The following PECAM1 variants were observed in gnomAD, a reference collection of about 807,000 sequenced individuals.
PECAM1 encodes platelet and endothelial cell adhesion molecule 1.
PECAM1 carries 8 observed loss-of-function variants against 13.8 expected under a neutral mutation model. That is an observed-to-expected ratio of 0.58 (90% CI 0.34 to 1.05). The LOEUF (loss-of-function observed/expected upper bound fraction) is 1.05. Among genes scored for constraint, PECAM1 ranks in the 50% least tolerant of loss-of-function variants. The pLI is 0.03. For missense variants in PECAM1, 304 were observed against 141.2 expected, an observed-to-expected ratio of 2.15 and a Z score of -5.84; for synonymous variants, 136 against 52.6, an observed-to-expected ratio of 2.58 and a Z score of -6.86.
At position 64,350,418 on chromosome 17, in the gene PECAM1, A is replaced by G. The variant is rs941112960; in HGVS notation, c.2006T>C (p.Val669Ala). The change falls in exon 12 of 16, where the codon GTC becomes GCC. Residue 669 changes from valine to alanine, a missense_variant. By Grantham distance (64) the Val-to-Ala change is moderately conservative (BLOSUM62 0). Transcript: ENST00000563924. ...ANSHYGHNDD[V>A]RNHAMKPIND... Reference sequence around the variant, plus strand: ...TATTGGTTTCATTGCATGGTTTCTGACATCGTCATTGTGACCTAGTTGAAA... The same window carrying G: ...TATTGGTTTCATTGCATGGTTTCTGGCATCGTCATTGTGACCTAGTTGAAA... 4.6e-5 allele frequency: 20 copies of G among 430,340 alleles called. No homozygotes were observed. Among genetic ancestry groups the G allele is most frequent in the Non-Finnish European group, 7.3e-5 (17 of 234,450 alleles). The allele number at this position is 430,340 out of a possible 1,614,324, so 26.7% of individuals were successfully genotyped here.
chr17:64,330,709 G>A (rs1555646542), intron 14 of PECAM1, among the ~76,000 whole-genome samples: 2 of 149,206 alleles, frequency 1.3e-5, no homozygotes, highest in African/African-American at 4.9e-5. Context: ...GGAAGTAGCA[G>A]ATAAAAATGA....
chr17:64,357,366 C>T (rs2035869524), intron 7 of PECAM1, among the ~76,000 whole-genome samples: 1 of 129,746 alleles, frequency 7.7e-6, no homozygotes, highest in Non-Finnish European at 1.8e-5. Flanking sequence ...TTCACCTGGG[C>T]ATTTCCACCT....
At chr17:64,348,075 A>ACAGGGC (rs1472224619) in intron 13 of PECAM1, among the ~76,000 whole-genome samples, 185 bp downstream of exon 13, 5 of 152,028 alleles carry the variant, frequency 3.3e-5, no homozygotes, top group Non-Finnish European at 5.9e-5. Flanking sequence ...CAGCTCAGAG[A>ACAGGGC]CAGGGCCAGG....
At chr17:64,354,277 G>A (rs1156368731) in intron 9 of PECAM1, among the ~76,000 whole-genome samples, 3 of 152,034 alleles carry the variant, frequency 2.0e-5, no homozygotes, top group African/African-American at 7.2e-5. Context: ...AAAAAGTAAA[G>A]GCGAAATCAA....
At chr17:64,359,558 C>T (rs1432529132) in intron 7 of PECAM1, among the ~76,000 whole-genome samples, 2 of 152,176 alleles carry the variant, frequency 1.3e-5, no homozygotes, top group African/African-American at 4.8e-5. Flanking sequence ...AGCCCATATG[C>T]ACAACTTCAG....
intron 2 of PECAM1, among the ~76,000 whole-genome samples, chr17:64,387,853 G>T (rs2036631364): frequency 6.6e-6 from 1 of 152,160 alleles, no homozygotes; most frequent in African/African-American, 2.4e-5. Flanking sequence ...AAGGGAAAGG[G>T]CCGAGGCTGT....
chr17:64,370,043 A>G lies in PECAM1; in HGVS notation c.692-18T>C, dbSNP rs2036205429. 1 of 398,642 alleles carries G rather than the reference A, an allele frequency of 2.5e-6. No individual in the cohort carries two copies. 24.7% of individuals were successfully genotyped at this position (398,642 alleles called of 1,614,324 possible). A position where few individuals can be genotyped will look rare whatever the true frequency, so the allele number is the denominator to read the frequency against. ...GAAGGATTCTGCAAGAGAGGAAGAC[A>G]ACCTGGTTGGACTCAGGTGCAAACC... On this transcript the variant is annotated intron_variant, in intron 4 of 15. Coordinates refer to ENST00000563924, the MANE Select transcript of PECAM1 (RefSeq NM_000442.5).
At chr17:64,329,505 T>G (rs1401471620) in intron 15 of PECAM1, among the ~76,000 whole-genome samples, 195 bp downstream of exon 15, 1 of 152,150 alleles carries the variant, frequency 6.6e-6, no homozygotes, top group Non-Finnish European at 1.5e-5. Flanking sequence ...TGAGATGTAA[T>G]GATGGAAATT....
chr17:64,359,145 G>T (rs1279289559), intron 7 of PECAM1, among the ~76,000 whole-genome samples: 1 of 152,130 alleles, frequency 6.6e-6, no homozygotes, highest in Non-Finnish European at 1.5e-5. Flanking sequence ...GACTATACAT[G>T]AATAGAAGCA....
intron 15 of PECAM1, among the ~76,000 whole-genome samples, chr17:64,328,937 T>TC (rs2035029438): frequency 6.6e-6 from 1 of 152,140 alleles, no homozygotes; most frequent in Non-Finnish European, 1.5e-5. Flanking sequence ...GATTCCTAAC[T>TC]CCATTTCCTA....
intron 13 of PECAM1, 82 bp from the exon 14 acceptor site, chr17:64,341,772 G>T: frequency 2.4e-6 from 1 of 410,366 alleles, no homozygotes; most frequent in Non-Finnish European, 4.4e-6. Context: ...AAGGTCTGAG[G>T]CTCTGCAGGC....
At chr17:64,383,639 C>T (rs2036530725) in intron 2 of PECAM1, among the ~76,000 whole-genome samples, 1 of 152,212 alleles carries the variant, frequency 6.6e-6, no homozygotes, top group Non-Finnish European at 1.5e-5. Flanking sequence ...CTCAGCACAA[C>T]CCTTGCGTGA....
chr17:64,337,163 C>T (rs2035301722), intron 14 of PECAM1, among the ~76,000 whole-genome samples: 2 of 151,712 alleles, frequency 1.3e-5, no homozygotes, highest in Non-Finnish European at 3.0e-5. Flanking sequence ...GCCCCGAGGG[C>T]TACAGCCTGT....
chr17:64,350,097 C>T (rs11656444), intron 12 of PECAM1, among the ~76,000 whole-genome samples: 62,375 of 140,338 alleles, frequency 0.44, 14,165 homozygotes, highest in South Asian at 0.58. Flanking sequence ...AAAAAGAGGT[C>T]CCACTGCCTT....
chr17:64,336,264 C>G (rs1384778291), intron 14 of PECAM1, among the ~76,000 whole-genome samples: 1 of 37,046 alleles, frequency 2.7e-5, no homozygotes, highest in Admixed American at 4.0e-4. Flanking sequence ...AAGACCCTGT[C>G]TCAAAAAAAA....
intron 2 of PECAM1, among the ~76,000 whole-genome samples, chr17:64,386,403 C>CAAAAAAAAAAA (rs59994359): frequency 8.8e-6 from 1 of 113,114 alleles, no homozygotes; most frequent in Non-Finnish European, 1.8e-5. Context: ...GAGACTCTGT[C>CAAAAAAAAAAA]AAAAAAAAAA....
chr17:64,380,951 C>T (rs111221639), intron 2 of PECAM1, among the ~76,000 whole-genome samples: 1 of 152,222 alleles, frequency 6.6e-6, no homozygotes, highest in African/African-American at 2.4e-5. Flanking sequence ...CACAACACTG[C>T]ACTGGGCGAC....
intron 2 of PECAM1, chr17:64,390,227 C>T (rs1241144862): frequency 5.2e-6 from 2 of 385,696 alleles, no homozygotes; most frequent in African/African-American, 4.1e-5. Context: ...ACTGACTAAA[C>T]AATTCATCAA....
Position 64,390,764 on chromosome 17 carries a change from C to G in PECAM1, c.-99G>C. On this transcript the variant is annotated 5_prime_UTR_variant, in exon 1 of 16. Coordinates refer to ENST00000563924, the MANE Select transcript of PECAM1 (RefSeq NM_000442.5). ...ACAAGTCACCGTTGAGAAACCCGCC[C>G]TGTGAAAAGCAGAAATTGCTCTGGT... 1 of 402,468 alleles carries G rather than the reference C, an allele frequency of 2.5e-6. No homozygotes were observed. Among genetic ancestry groups the G allele is most frequent in the East Asian group, 3.6e-5 (1 of 28,082 alleles). 24.9% of individuals were successfully genotyped at this position (402,468 alleles called of 1,614,324 possible).
Sources: gnomAD v4.1 joint callset for allele counts (sites outside exome capture counted in the v4.1 genomes callset) on GRCh38, gnomAD v4.1.1 for gene constraint, MANE v1.5 for transcripts, NCBI Gene and HGNC (gene_info 2026-07-23, HGNC 2026-07-21) for gene names.